Variants in PRR33 observed in about 807,000 individuals in gnomAD.
PRR33 encodes proline-rich protein 33.
In PRR33, 1 loss-of-function variant was observed where a neutral mutation model predicts 0.5. The observed-to-expected ratio is 2.18, with a 90% CI of 0.77 to 10.34. PRR33 has a LOEUF of 10.34. Ranked by LOEUF, PRR33 falls within the 30% of genes most tolerant of loss-of-function variation. PRR33 has a pLI of 0.13. For synonymous variants in PRR33, 226 were observed against 110.0 expected, an observed-to-expected ratio of 2.06 and a Z score of -6.60; for missense variants, 552 against 251.8, an observed-to-expected ratio of 2.19 and a Z score of -8.07.
chr11:1,909,259 G>A, the PRR33 span, among the ~76,000 whole-genome samples: 1 of 152,128 alleles, frequency 6.6e-6, no homozygotes, highest in Non-Finnish European at 1.5e-5. Flanking sequence ...AGCACTTTGC[G>A]AGGCTCGAGT....
chr11:1,894,725 A>ATCT (rs779650712), upstream of PRR33, among the ~76,000 whole-genome samples: 31 of 152,204 alleles, frequency 2.0e-4, no homozygotes, highest in Non-Finnish European at 3.5e-4. Context: ...CTTGGTGGAC[A>ATCT]TCAGGGTGGT....
the PRR33 span, among the ~76,000 whole-genome samples, chr11:1,902,119 C>CGCCTG: frequency 7.9e-5 from 12 of 151,814 alleles, no homozygotes; most frequent in Non-Finnish European, 1.6e-4. Flanking sequence ...GTAGTCCCAG[C>CGCCTG]TACTCGGGAG....
chr11:1,914,853 CTG>C, the PRR33 span, among the ~76,000 whole-genome samples: 26,430 of 125,138 alleles, frequency 0.21, 2,642 homozygotes, highest in Middle Eastern at 0.37. Flanking sequence ...GGAGATGTTT[CTG>C]TGTGTGTGTG....
At chr11:1,895,312 T>C (rs972932164), upstream of PRR33, among the ~76,000 whole-genome samples, 2 of 152,122 alleles carry the variant, frequency 1.3e-5, no homozygotes, top group African/African-American at 4.8e-5. Flanking sequence ...TTTGTATTTT[T>C]AGTAGAGGTG....
the PRR33 span, among the ~76,000 whole-genome samples, chr11:1,913,570 A>G: frequency 6.6e-6 from 1 of 151,956 alleles, no homozygotes; most frequent in African/African-American, 2.4e-5. Context: ...CTCCCTGACC[A>G]CGTCCCCTCT....
upstream of PRR33, among the ~76,000 whole-genome samples, chr11:1,895,121 T>C (rs1283067159): frequency 1.3e-5 from 2 of 152,170 alleles, no homozygotes; most frequent in Admixed American, 6.5e-5. Flanking sequence ...ATTGTTGAGT[T>C]TGAGAGTTCT....
chr11:1,889,809 G>A, exon 1 of PRR33: 1 of 638,846 alleles, frequency 1.6e-6, no homozygotes, highest in Non-Finnish European at 2.9e-6. Context: ...AGCCTCTCTG[G>A]GCACTGAGGC....
At chr11:1,891,011 G>T (rs903056724) in exon 1 of PRR33, 2 of 166,830 alleles carry the variant, frequency 1.2e-5, no homozygotes, top group African/African-American at 4.8e-5. Context: ...CAAGCCCAGG[G>T]CTGGAAGAGC....
the PRR33 span, among the ~76,000 whole-genome samples, chr11:1,909,786 AAAGAAG>A: frequency 2.5e-4 from 38 of 151,950 alleles, no homozygotes; most frequent in African/African-American, 8.2e-4. Flanking sequence ...TCTGAGAAAA[AAAGAAG>A]AAGAAGAAGA....
At chr11:1,894,425 G>A (rs368290076), upstream of PRR33, among the ~76,000 whole-genome samples, 99 of 152,152 alleles carry the variant, frequency 6.5e-4, no homozygotes, top group African/African-American at 2.2e-3. Context: ...TTGTAGAGAC[G>A]AGGTCTTGCT....
chr11:1,907,965 TA>T, the PRR33 span: 1 of 152,326 alleles, frequency 6.6e-6, no homozygotes, highest in East Asian at 1.9e-4. Flanking sequence ...TGTTACGACC[TA>T]CAGAAGATGT....
chr11:1,890,237 GTGCGGGGAGCGGGGTAGGGCAGCCACCA>G, the PRR33 span: 5 of 716,384 alleles, frequency 7.0e-6, no homozygotes, highest in Non-Finnish European at 1.3e-5. Flanking sequence ...TGATGGGGGT[GTGCGGGGAGCGGGGTAGGGCAGCCACCA>G]TGCGGGGAGC....
the PRR33 span, among the ~76,000 whole-genome samples, chr11:1,917,687 C>G: frequency 6.6e-6 from 1 of 152,250 alleles, no homozygotes; most frequent in East Asian, 1.9e-4. Context: ...GCAGTCCCTG[C>G]TACGCCTCAG....
chr11:1,898,464 TGAC>T, the PRR33 span, among the ~76,000 whole-genome samples: 1 of 152,090 alleles, frequency 6.6e-6, no homozygotes, highest in South Asian at 2.1e-4. Flanking sequence ...CTTGATCTCT[TGAC>T]GTTGTGATCC....
At chr11:1,896,585 A>C (rs1849126507), upstream of PRR33, among the ~76,000 whole-genome samples, 2 of 152,146 alleles carry the variant, frequency 1.3e-5, no homozygotes, top group South Asian at 2.1e-4. Flanking sequence ...CGTTATCTGT[A>C]GATAAGATTG....
chr11:1,914,918 G>T, the PRR33 span, among the ~76,000 whole-genome samples: 2 of 149,664 alleles, frequency 1.3e-5, no homozygotes, highest in East Asian at 4.0e-4. Context: ...TGCTCTGTGT[G>T]TGTCTGTGTG....
At chr11:1,895,845 CT>C (rs1402371720), upstream of PRR33, among the ~76,000 whole-genome samples, 2 of 152,116 alleles carry the variant, frequency 1.3e-5, no homozygotes, top group African/African-American at 4.8e-5. Flanking sequence ...GCCTTTGCAC[CT>C]TTGTCAAAAG....
At chr11:1,890,943 G>A (rs1051204972) in exon 1 of PRR33, 4 of 220,690 alleles carry the variant, frequency 1.8e-5, no homozygotes, top group Admixed American at 1.0e-4. Context: ...GGCTGGGGTG[G>A]GAGACGGAGA....
exon 1 of PRR33, chr11:1,890,545 C>T (rs564530228): frequency 4.8e-5 from 34 of 713,852 alleles, no homozygotes; most frequent in East Asian, 3.5e-4. Context: ...AGGCTTGGGC[C>T]GCACACCTCG....
Sources: gnomAD v4.1 joint callset for allele counts (sites outside exome capture counted in the v4.1 genomes callset) on GRCh38, gnomAD v4.1.1 for gene constraint, MANE v1.5 for transcripts, NCBI Gene and HGNC (gene_info 2026-07-23, HGNC 2026-07-21) for gene names.